The following IKZF2 variants were observed in gnomAD, a reference collection of about 807,000 sequenced individuals.
The protein encoded by IKZF2 is IKAROS family zinc finger 2.
Under a neutral mutation model 49.2 loss-of-function variants are expected in IKZF2, and 15 were observed. The ratio of observed to expected loss-of-function variants is 0.30; its 90% CI spans 0.20 to 0.47. IKZF2 has a LOEUF of 0.47. Ranked by LOEUF, IKZF2 falls within the 20% of genes least tolerant of loss-of-function variation. The pLI, the probability that IKZF2 is intolerant of heterozygous loss-of-function variation, is 1.00. For synonymous variants in IKZF2, 227 were observed against 221.4 expected, an observed-to-expected ratio of 1.03 and a Z score of -0.23; for missense variants, 567 against 664.6, an observed-to-expected ratio of 0.85 and a Z score of 1.61.
At chr2:213,084,277 A>T (rs994632953) in intron 4 of IKZF2, among the ~76,000 whole-genome samples, 5 of 152,200 alleles carry the variant, frequency 3.3e-5, no homozygotes, top group Non-Finnish European at 7.4e-5. Context: ...ATTTGAGATA[A>T]TAACTTTCCA....
At chr2:213,098,724 A>G (rs1706302559) in intron 4 of IKZF2, among the ~76,000 whole-genome samples, 1 of 152,174 alleles carries the variant, frequency 6.6e-6, no homozygotes, top group Non-Finnish European at 1.5e-5. Flanking sequence ...ACAGTTTCCA[A>G]AGCAAAGCAT....
chr2:213,139,479 C>G (rs1042790418), intron 4 of IKZF2, among the ~76,000 whole-genome samples: 1 of 151,876 alleles, frequency 6.6e-6, no homozygotes, highest in Non-Finnish European at 1.5e-5. Flanking sequence ...ACTGATTACC[C>G]ATATAGGTCA....
intron 4 of IKZF2, among the ~76,000 whole-genome samples, chr2:213,089,574 A>C (rs1209477478): frequency 6.6e-6 from 1 of 152,190 alleles, no homozygotes; most frequent in African/African-American, 2.4e-5. Flanking sequence ...AATTCCCAAG[A>C]ATGATTCTAA....
chr2:213,102,242 G>A (rs914133343), intron 4 of IKZF2, among the ~76,000 whole-genome samples: 2 of 152,080 alleles, frequency 1.3e-5, no homozygotes, highest in African/African-American at 2.4e-5. Context: ...TTCTGTACCC[G>A]GGAAAACCAA....
intron 4 of IKZF2, among the ~76,000 whole-genome samples, chr2:213,137,691 A>G (rs1017369569): frequency 2.6e-5 from 4 of 152,118 alleles, no homozygotes; most frequent in Admixed American, 6.5e-5. Context: ...GACCTATAAG[A>G]TATTTCCATA....
intron 6 of IKZF2, among the ~76,000 whole-genome samples, chr2:213,047,733 A>G (rs1273230776): frequency 6.6e-6 from 1 of 152,146 alleles, no homozygotes; most frequent in Non-Finnish European, 1.5e-5. Flanking sequence ...AATGAGGACA[A>G]GAAGAACTAT....
intron 4 of IKZF2, among the ~76,000 whole-genome samples, chr2:213,068,345 T>A (rs1455813764): frequency 2.0e-5 from 3 of 152,084 alleles, no homozygotes; most frequent in Admixed American, 1.3e-4. Context: ...GAAGATCACA[T>A]CTATGTCACC....
chr2:213,012,027 C>A (rs1406285216), intron 8 of IKZF2, among the ~76,000 whole-genome samples: 1 of 151,908 alleles, frequency 6.6e-6, no homozygotes, highest in Non-Finnish European at 1.5e-5. Context: ...GTTCAGGGAT[C>A]ATTGGTCTGG....
chr2:213,087,695 C>A (rs1002226471), intron 4 of IKZF2, among the ~76,000 whole-genome samples: 1 of 152,120 alleles, frequency 6.6e-6, no homozygotes, highest in Non-Finnish European at 1.5e-5. Flanking sequence ...TGTTCCCCAC[C>A]CTGTGTCCAA....
chr2:213,008,429 G>T (rs1019525020), intron 8 of IKZF2, among the ~76,000 whole-genome samples: 5 of 151,776 alleles, frequency 3.3e-5, no homozygotes, highest in African/African-American at 1.2e-4. Flanking sequence ...ATAGGGTTTT[G>T]CCCTGTTAGC....
intron 6 of IKZF2, among the ~76,000 whole-genome samples, chr2:213,038,284 C>T (rs535405893): frequency 2.0e-5 from 3 of 152,138 alleles, no homozygotes; most frequent in African/African-American, 7.2e-5. Context: ...TGGTCTCGAT[C>T]TCCTGGCCTC....
intron 4 of IKZF2, among the ~76,000 whole-genome samples, chr2:213,137,541 C>T (rs1035919136): frequency 3.9e-5 from 6 of 152,012 alleles, no homozygotes; most frequent in Admixed American, 1.3e-4. Context: ...TTTACAATCA[C>T]GAATTAAATA....
intron 6 of IKZF2, among the ~76,000 whole-genome samples, chr2:213,030,622 A>G (rs1281663099): frequency 6.6e-6 from 1 of 152,154 alleles, no homozygotes. Flanking sequence ...GTTTAGCTTC[A>G]ATAACAAAAA....
At chr2:213,099,997 A>G (rs536886708) in intron 4 of IKZF2, among the ~76,000 whole-genome samples, 2 of 152,114 alleles carry the variant, frequency 1.3e-5, no homozygotes, top group African/African-American at 2.4e-5. Flanking sequence ...GGTTATCCAC[A>G]TAAGTTACTA....
intron 7 of IKZF2, among the ~76,000 whole-genome samples, chr2:213,018,704 G>C (rs1447525524): frequency 2.6e-5 from 4 of 152,110 alleles, no homozygotes. Flanking sequence ...TACTAATTCA[G>C]AAGCTTCATT....
chr2:213,009,701 T>C (rs891746371), intron 8 of IKZF2, among the ~76,000 whole-genome samples: 24 of 152,090 alleles, frequency 1.6e-4, no homozygotes, highest in Admixed American at 6.6e-5. Flanking sequence ...CAATAGCAAT[T>C]TAAGGATCAT....
chr2:213,000,622 T>C lies in IKZF2; in HGVS notation c.*6738A>G, dbSNP rs1694816732. 6.6e-6 allele frequency: 1 copy of C among 151,842 alleles called. No individual in the cohort carries two copies. The highest frequency in any genetic ancestry group is 1.5e-5 in the Non-Finnish European group (1 of 67,620). 9.4% of individuals were successfully genotyped at this position (151,842 alleles called of 1,614,324 possible). ...AAAATTAGCACACTACATATAAATA[T>C]GTATAAGAAAAATACCTCTTACTTA... On this transcript the variant is annotated 3_prime_UTR_variant, in exon 9 of 9. Coordinates refer to ENST00000434687, the MANE Select transcript of IKZF2 (RefSeq NM_001387220.1).
intron 6 of IKZF2, among the ~76,000 whole-genome samples, chr2:213,041,324 A>C (rs1239875286): frequency 5.3e-5 from 7 of 132,530 alleles, no homozygotes; most frequent in Non-Finnish European, 1.1e-4. Flanking sequence ...TAATAACTTG[A>C]CTGTAATCTT....
intron 6 of IKZF2, among the ~76,000 whole-genome samples, chr2:213,044,815 A>T (rs1290576187): frequency 6.6e-6 from 1 of 152,198 alleles, no homozygotes; most frequent in African/African-American, 2.4e-5. Context: ...CCAGAATCTG[A>T]TTTGAAGGGT....
Sources: gnomAD v4.1 joint callset for allele counts (sites outside exome capture counted in the v4.1 genomes callset) on GRCh38, gnomAD v4.1.1 for gene constraint, MANE v1.5 for transcripts, NCBI Gene and HGNC (gene_info 2026-07-23, HGNC 2026-07-21) for gene names.